The following SLC38A4 variants were observed in gnomAD, a reference collection of about 807,000 sequenced individuals.
SLC38A4 encodes solute carrier family 38 member 4.
A neutral mutation model predicts 63.1 loss-of-function variants in SLC38A4; 20 were observed. The observed-to-expected ratio is 0.32, with a 90% CI of 0.22 to 0.46. The LOEUF (loss-of-function observed/expected upper bound fraction) is 0.46, where lower values mean the gene tolerates loss of function less well. Ranked by LOEUF, SLC38A4 falls within the 20% of genes least tolerant of loss-of-function variation. SLC38A4 has a pLI of 1.00. For missense variants in SLC38A4, 526 were observed against 663.6 expected, an observed-to-expected ratio of 0.79 and a Z score of 2.28; for synonymous variants, 230 against 225.5, an observed-to-expected ratio of 1.02 and a Z score of -0.18.
intron 5 of SLC38A4, among the ~76,000 whole-genome samples, chr12:46,786,391 T>G (rs1208608361): frequency 6.6e-6 from 1 of 152,084 alleles, no homozygotes; most frequent in South Asian, 2.1e-4. Context: ...GTGATTTAAT[T>G]GTTCTGACCA....
chr12:46,796,584 C>T (rs1421763659), intron 2 of SLC38A4, among the ~76,000 whole-genome samples: 1 of 152,150 alleles, frequency 6.6e-6, no homozygotes, highest in African/African-American at 2.4e-5. Context: ...TCTTCTGCTG[C>T]TTGTCTGTGG....
chr12:46,823,757 A>T (rs1246012814), intron 1 of SLC38A4, among the ~76,000 whole-genome samples: 1 of 152,152 alleles, frequency 6.6e-6, no homozygotes, highest in Non-Finnish European at 1.5e-5. Context: ...CTCTCTTTGG[A>T]GGTGGGAGGA....
In SLC38A4 at chr12:46,780,886, G is replaced by A. The variant is rs1938624239; in HGVS notation, c.494-856C>T. On this transcript the variant is annotated intron_variant, in intron 7 of 16. Coordinates refer to ENST00000266579, the MANE Select transcript of SLC38A4 (RefSeq NM_018018.5). The stretch of plus-strand genomic sequence containing the variant: ...GATAACGTTAATTTGTTGACACATG[G>A]CCAAAAGATTCAGTTAAAAATAGAA... 2.0e-5 allele frequency among the ~76,000 whole-genome samples: 3 copies of A among 151,878 alleles called. No individual in the cohort carries two copies. The South Asian group carries it at 6.2e-4, about 32-fold the overall frequency.
intron 2 of SLC38A4, among the ~76,000 whole-genome samples, chr12:46,793,634 T>C (rs917132353): frequency 6.6e-6 from 1 of 152,178 alleles, no homozygotes; most frequent in Non-Finnish European, 1.5e-5. Flanking sequence ...AAATTACTGC[T>C]TTAATTTAAT....
At chr12:46,771,451 T>A (rs1470660340) in intron 14 of SLC38A4, among the ~76,000 whole-genome samples, 1 of 152,122 alleles carries the variant, frequency 6.6e-6, no homozygotes, top group Non-Finnish European at 1.5e-5. Context: ...GTCCTATATG[T>A]CCAGGGCCTC....
At position 46,815,308 on chromosome 12, in the gene SLC38A4, C is replaced by G. The variant is rs185214650; in HGVS notation, c.-305+10595G>C. Among the ~76,000 whole-genome samples, 860 of 142,998 alleles carry G rather than the reference C, an allele frequency of 6.0e-3. 11 individuals are homozygous for G. Among genetic ancestry groups the G allele is most frequent in the African/African-American group, 0.021 (801 of 38,500 alleles). 93.8% of individuals were successfully genotyped at this position (142,998 alleles called of 152,430 possible). ...ATACACACACACACACACACACACA[C>G]AGAGATTGAGAATATGAATCATATT... On this transcript the variant is annotated intron_variant, in intron 1 of 16. Coordinates refer to ENST00000266579, the MANE Select transcript of SLC38A4 (RefSeq NM_018018.5).
chr12:46,803,411 A>G (rs1939170489), intron 2 of SLC38A4, among the ~76,000 whole-genome samples, 192 bp downstream of exon 2: 1 of 152,118 alleles, frequency 6.6e-6, no homozygotes, highest in South Asian at 2.1e-4. Context: ...GAAAACTGCA[A>G]TCAGGACCTG....
upstream of SLC38A4, among the ~76,000 whole-genome samples, chr12:46,826,345 C>T (rs1004385977): frequency 6.6e-6 from 1 of 152,112 alleles, no homozygotes; most frequent in African/African-American, 2.4e-5. Flanking sequence ...AAGACTTTCA[C>T]TGGACCAAAA....
rs958214731 is a variant in SLC38A4 at position 46,779,474 on chromosome 12, A to G, written c.717+137T>C. The stretch of plus-strand genomic sequence containing the variant: ...AGCTGCTCTTTTTTTGCTCTAAATT[A>G]GTCTACAAGAAAATCACTTGTGATA... On this transcript the variant is annotated intron_variant, in intron 10 of 16. Transcript: ENST00000266579. The G allele has an allele frequency of 2.2e-5, 16 of 721,084 alleles. No homozygotes were observed. In the African/African-American group the frequency reaches 2.3e-4, roughly 10 times the overall value. The allele number at this position is 721,084 out of a possible 1,614,324, so 44.7% of individuals were successfully genotyped here.
At position 46,776,928 on chromosome 12, in the gene SLC38A4, G is replaced by A; in HGVS notation, c.1150C>T (p.Leu384Phe). 1.2e-6 allele frequency: 2 copies of A among 1,612,212 alleles called. No homozygotes were observed. The highest frequency in any genetic ancestry group is 4.5e-5 in the East Asian group (2 of 44,814). The change falls in exon 13 of 17, where the codon CTC (leucine) becomes TTC (phenylalanine). Residue 384 changes from leucine (L) to phenylalanine (F), a missense_variant. Transcript: ENST00000266579. ...GMLVMYLLAA[L>F]FGYLTFYGEV... ...CCATAGAAGGTTAGGTAACCAAAGAGGGCGGCAAGCAGGTACATGACAAGC... is the reference window on the plus strand; with the variant it reads ...CCATAGAAGGTTAGGTAACCAAAGAAGGCGGCAAGCAGGTACATGACAAGC...
chr12:46,789,952 C>T (rs1178770490), intron 3 of SLC38A4, among the ~76,000 whole-genome samples: 14 of 152,192 alleles, frequency 9.2e-5, no homozygotes, highest in African/African-American at 3.4e-4. Context: ...GTGGCAGGCG[C>T]CTGTAATCCC....
Position 46,766,817 on chromosome 12 carries a change from G to T in SLC38A4, c.1543-15C>A. On this transcript the variant is annotated splice_polypyrimidine_tract_variant and intron_variant, in intron 16 of 16. Transcript: ENST00000266579. ...AAAATTAAAGCCTGTAATTCAGAGA[G>T]ACTCTGTTAGGAGCACAGAAACCAT... 1.3e-6 allele frequency: 2 copies of T among 1,559,826 alleles called. No homozygotes were observed. Among genetic ancestry groups the T allele is most frequent in the South Asian group, 1.1e-5 (1 of 88,982 alleles).
chr12:46,771,494 A>G (rs1442080121), intron 14 of SLC38A4, among the ~76,000 whole-genome samples: 1 of 152,086 alleles, frequency 6.6e-6, no homozygotes, highest in Non-Finnish European at 1.5e-5. Context: ...GCTCCCAGAA[A>G]GATTAACATT....
intron 14 of SLC38A4, among the ~76,000 whole-genome samples, chr12:46,769,995 C>T (rs1452828906): frequency 6.6e-6 from 1 of 152,042 alleles, no homozygotes; most frequent in Non-Finnish European, 1.5e-5. Flanking sequence ...TTGATGCTAA[C>T]TTTTGATATT....
At chr12:46,778,880 C>T (rs755515225) in intron 10 of SLC38A4, 104 bp from the exon 11 acceptor site, 8 of 995,858 alleles carry the variant, frequency 8.0e-6, no homozygotes, top group Non-Finnish European at 1.0e-5. Flanking sequence ...TGAGGGAACT[C>T]AGTTAGGGAT....
Position 46,775,180 on chromosome 12 carries a change from C to T in SLC38A4, c.1175-7G>A, listed in dbSNP as rs777011115. The T allele has an allele frequency of 6.2e-7, 1 of 1,609,550 alleles. No homozygotes were observed. The highest frequency in any genetic ancestry group is 8.5e-7 in the Non-Finnish European group (1 of 1,177,778). ...AATTCATCTTCAACTTCTCCTACAA[C>T]AGGAAAAAGAGAATGAAACCGCTTG... is the stretch of plus-strand genomic sequence containing the variant. On this transcript the variant is annotated splice_polypyrimidine_tract_variant and splice_region_variant and intron_variant, in intron 13 of 16. Coordinates refer to ENST00000266579, the MANE Select transcript of SLC38A4 (RefSeq NM_018018.5).
rs1198365350 is a variant in SLC38A4, at chr12:46,766,270, T to G, written c.*431A>C. The G allele has an allele frequency of 2.4e-6, 1 of 417,734 alleles. No homozygotes were observed. 25.9% of individuals were successfully genotyped at this position (417,734 alleles called of 1,614,324 possible). ...TTGGTGCAAGACTGAGAGAAGACATTAAATGGTGATAGCTTTGCCACCAGG... is the reference window on the plus strand; with the variant it reads ...TTGGTGCAAGACTGAGAGAAGACATGAAATGGTGATAGCTTTGCCACCAGG... On this transcript the variant is annotated 3_prime_UTR_variant, in exon 17 of 17. Transcript: ENST00000266579.
At chr12:46,819,793 G>C (rs1222632150) in intron 1 of SLC38A4, among the ~76,000 whole-genome samples, 1 of 151,844 alleles carries the variant, frequency 6.6e-6, no homozygotes, top group East Asian at 1.9e-4. Context: ...AAATTTCCTA[G>C]TTTGGAACTA....
chr12:46,814,853 C>G (rs1314378280), intron 1 of SLC38A4, among the ~76,000 whole-genome samples: 1 of 151,788 alleles, frequency 6.6e-6, no homozygotes, highest in Non-Finnish European at 1.5e-5. Context: ...TGCAAGCATG[C>G]ATACATGCTA....
Sources: gnomAD v4.1 joint callset for allele counts (sites outside exome capture counted in the v4.1 genomes callset) on GRCh38, gnomAD v4.1.1 for gene constraint, MANE v1.5 for transcripts, NCBI Gene and HGNC (gene_info 2026-07-23, HGNC 2026-07-21) for gene names.